Variants in AGAP1 observed in about 807,000 individuals in gnomAD.
The protein encoded by AGAP1 is ArfGAP with GTPase domain, ankyrin repeat and PH domain 1, also known as arf-GAP with GTPase, ANK repeat and PH domain-containing protein 1.
Under a neutral mutation model 105.3 loss-of-function variants are expected in AGAP1, and 29 were observed. The ratio of observed to expected loss-of-function variants is 0.28; its 90% CI spans 0.21 to 0.38. The LOEUF is 0.38. Among genes scored for constraint, AGAP1 ranks in the 10% least tolerant of loss-of-function variants. The pLI is 1.00. For synonymous variants in AGAP1, 509 were observed against 485.9 expected (o/e 1.05, Z -0.63); for missense variants, 998 against 1,165.1 (o/e 0.86, Z 2.09).
rs2050828596 is a variant in AGAP1, at chr2:235,896,830, A to C, written c.1156-11908A>C. 2.6e-5 allele frequency among the ~76,000 whole-genome samples: 4 copies of C among 152,348 alleles called. No individual in the cohort carries two copies. In the South Asian group the frequency reaches 8.3e-4, roughly 32 times the overall value. On this transcript the variant is annotated intron_variant, in intron 10 of 17. Transcript: ENST00000304032. ...CTTTTGTTGGAAATGGAGCCTACTA[A>C]AAACTCACTGGTGTTACACCAACAC...
chr2:235,671,234 C>A (rs952168535), intron 1 of AGAP1, among the ~76,000 whole-genome samples: 2 of 152,218 alleles, frequency 1.3e-5, no homozygotes, highest in Non-Finnish European at 2.9e-5. Flanking sequence ...GGTTTTCTGG[C>A]TGCCCCTGCG....
chr2:235,514,867 A>AGG (rs1942314949), intron 1 of AGAP1, among the ~76,000 whole-genome samples: 1 of 152,204 alleles, frequency 6.6e-6, no homozygotes, highest in Non-Finnish European at 1.5e-5. Flanking sequence ...CAGTCTGTGT[A>AGG]GCAACAAGGA....
chr2:235,728,165 A>G lies in AGAP1; in HGVS notation c.310+10521A>G, dbSNP rs1311268143. On this transcript the variant is annotated intron_variant, in intron 3 of 17. Coordinates refer to ENST00000304032, the MANE Select transcript of AGAP1 (RefSeq NM_001037131.3). The surrounding 1 kb of genome is among the most constrained non-coding windows in gnomAD (Gnocchi z 4.3). ...AAGTAGAAGTTGAAAGAAACTCCCA[A>G]CGGCAAATTAGGTCGAGTGCCAGAA... Among the ~76,000 whole-genome samples the G allele has an allele frequency of 1.3e-5, 2 of 152,130 alleles. No homozygotes were observed. Among genetic ancestry groups the G allele is most frequent in the Non-Finnish European group, 2.9e-5 (2 of 68,020 alleles).
rs1251454556 is a variant in AGAP1, at chr2:235,556,414, A to G, written c.163+61565A>G. ...CCCAAGGCCCAGGCCAGTCTCGTCC[A>G]GGCTGCCCACACCTAGGTCTTCAGG... On this transcript the variant is annotated intron_variant, in intron 1 of 17. Coordinates refer to ENST00000304032, the MANE Select transcript of AGAP1 (RefSeq NM_001037131.3). This position sits in a 1 kb window ranked among gnomAD's most constrained non-coding sequence, Gnocchi z 5.3. Among the ~76,000 whole-genome samples the G allele has an allele frequency of 6.6e-6, 1 of 152,246 alleles. No individual in the cohort carries two copies. The highest frequency in any genetic ancestry group is 1.5e-5 in the Non-Finnish European group (1 of 68,044).
In AGAP1 at chr2:235,830,525, C is replaced by T. The variant is rs1384303215; in HGVS notation, c.1050+23194C>T. ...ATAGAGGGTGCCCTCTCATCAGGTC[C>T]GTGTGCACCAGGAAGTTTACAGTTC... On this transcript the variant is annotated intron_variant, in intron 9 of 17. Coordinates refer to ENST00000304032, the MANE Select transcript of AGAP1 (RefSeq NM_001037131.3). This position sits in a 1 kb window ranked among gnomAD's most constrained non-coding sequence, Gnocchi z 5.5. Among the ~76,000 whole-genome samples the T allele has an allele frequency of 2.0e-5, 3 of 151,664 alleles. No individual in the cohort carries two copies. The highest frequency in any genetic ancestry group is 4.9e-5 in the African/African-American group (2 of 41,226).
chr2:235,835,434 A>G (rs1286874642), intron 9 of AGAP1, among the ~76,000 whole-genome samples: 6 of 151,988 alleles, frequency 3.9e-5, no homozygotes, highest in Non-Finnish European at 8.8e-5. Context: ...TCCTTCATCT[A>G]CGTCTGTGTT....
At position 235,744,805 on chromosome 2, in the gene AGAP1, G is replaced by A. The variant is rs144494543; in HGVS notation, c.504G>A (p.Thr168=). The part of the protein sequence containing the change: ...YYSRMANYRN[T]SEIPLVLVGT... Reference sequence around the variant, plus strand: ...GTCGAATGGCCAACTATCGGAACACGAGCGAGATTCCTCTGGTTCTGGTGG... The same window carrying A: ...GTCGAATGGCCAACTATCGGAACACAAGCGAGATTCCTCTGGTTCTGGTGG... Residue 168 remains threonine, a synonymous_variant, in exon 5 of 18, where the codon ACG becomes ACA. Transcript: ENST00000304032. The surrounding 1 kb of genome is among the most constrained non-coding windows in gnomAD (Gnocchi z 5.2). 1,206 of 1,614,012 alleles carry A rather than the reference G, an allele frequency of 7.5e-4. 8 individuals are homozygous for A. The African/African-American group carries it at 0.011, about 14-fold the overall frequency.
intron 12 of AGAP1, among the ~76,000 whole-genome samples, chr2:235,938,210 T>G (rs1466957184): frequency 2.0e-5 from 3 of 152,180 alleles, no homozygotes; most frequent in Admixed American, 6.5e-5. Context: ...GAGCCTTCCC[T>G]GCTTCAGATG....
rs556115042 is a variant in AGAP1 at position 235,750,716 on chromosome 2, G to T, written c.673+228G>T. Among the ~76,000 whole-genome samples, 1 of 152,334 alleles carries T rather than the reference G, an allele frequency of 6.6e-6. No homozygotes were observed. The highest frequency in any genetic ancestry group is 2.1e-4 in the South Asian group (1 of 4,822). On this transcript the variant is annotated intron_variant, in intron 6 of 17. Transcript: ENST00000304032. This position sits in a 1 kb window ranked among gnomAD's most constrained non-coding sequence, Gnocchi z 5.3. ...AGGCATGGCTTGAGAACAGCCTGGT[G>T]TTGGGTCTGTGTGTCTCCTATGGGG...
At chr2:235,537,253 T>A (rs1302071230) in intron 1 of AGAP1, among the ~76,000 whole-genome samples, 1 of 152,162 alleles carries the variant, frequency 6.6e-6, no homozygotes, top group Non-Finnish European at 1.5e-5. Context: ...CAGGGGCACC[T>A]CGGGAGCCTG....
rs114917352 is a variant in AGAP1, at chr2:235,908,384, C to A, written c.1156-354C>A. Among the ~76,000 whole-genome samples, 964 of 152,242 alleles carry A rather than the reference C, an allele frequency of 6.3e-3. 7 individuals carry two copies. Among genetic ancestry groups the A allele is most frequent in the African/African-American group, 0.022 (908 of 41,550 alleles). On this transcript the variant is annotated intron_variant, in intron 10 of 17. Transcript: ENST00000304032. This position sits in a 1 kb window ranked among gnomAD's most constrained non-coding sequence, Gnocchi z 4.4. ...TGGTTTCCTACTCCATGGAATTTTA[C>A]TTGGAATTTATAGGAGGAGCCTAAT...
rs1046493336 is a variant in AGAP1 at position 235,905,335 on chromosome 2, G to A, written c.1156-3403G>A. Among the ~76,000 whole-genome samples the A allele has an allele frequency of 6.6e-6, 1 of 152,168 alleles. No individual in the cohort carries two copies. The highest frequency in any genetic ancestry group is 1.5e-5 in the Non-Finnish European group (1 of 68,034). ...TTGATATTTTTAAAGGAGTAACTGT[G>A]CAAGAAGGAATTCATTATTTACAAG... On this transcript the variant is annotated intron_variant, in intron 10 of 17. Coordinates refer to ENST00000304032, the MANE Select transcript of AGAP1 (RefSeq NM_001037131.3). The surrounding 1 kb of genome is among the most constrained non-coding windows in gnomAD (Gnocchi z 4.2).
At chr2:235,648,802 A>G (rs370236220) in intron 1 of AGAP1, among the ~76,000 whole-genome samples, 2 of 151,124 alleles carry the variant, frequency 1.3e-5, no homozygotes, top group South Asian at 2.1e-4. Flanking sequence ...CAGTAGAATC[A>G]CTTGAACCTG....
chr2:236,103,249 C>T (rs1329496050), intron 16 of AGAP1, among the ~76,000 whole-genome samples: 2 of 152,302 alleles, frequency 1.3e-5, no homozygotes, highest in African/African-American at 2.4e-5. Context: ...AATCTCTACA[C>T]CGAGGTCACT....
chr2:235,643,591 G>C (rs765629047), intron 1 of AGAP1, among the ~76,000 whole-genome samples: 1 of 151,960 alleles, frequency 6.6e-6, no homozygotes, highest in Non-Finnish European at 1.5e-5. Context: ...TTGACAGAAA[G>C]GGATAGATCT....
rs1690978479 is a variant in AGAP1 at position 235,736,192 on chromosome 2, G to C, written c.311-4771G>C. Among the ~76,000 whole-genome samples, 1 of 151,982 alleles carries C rather than the reference G, an allele frequency of 6.6e-6. No individual in the cohort carries two copies. The highest frequency in any genetic ancestry group is 2.0e-4 in the East Asian group (1 of 5,110). On this transcript the variant is annotated intron_variant, in intron 3 of 17. Coordinates refer to ENST00000304032, the MANE Select transcript of AGAP1 (RefSeq NM_001037131.3). The surrounding 1 kb of genome is among the most constrained non-coding windows in gnomAD (Gnocchi z 5.5). Reference sequence around the variant, plus strand: ...CCGATCTGTCTGGTTCCTCACCCTGGGGGTGCCCGCCGTTGGGAGGTGCTG... The same window carrying C: ...CCGATCTGTCTGGTTCCTCACCCTGCGGGTGCCCGCCGTTGGGAGGTGCTG...
chr2:235,709,333 C>A, intron 2 of AGAP1, 96 bp downstream of exon 2: 1 of 1,377,018 alleles, frequency 7.3e-7, no homozygotes, highest in Non-Finnish European at 1.0e-6. Flanking sequence ...TCGCCTGGGG[C>A]CCAGAGTGGA....
At chr2:235,932,351 C>T (rs1195511263) in intron 12 of AGAP1, among the ~76,000 whole-genome samples, 1 of 152,216 alleles carries the variant, frequency 6.6e-6, no homozygotes, top group Non-Finnish European at 1.5e-5. Context: ...ACAGTAGGCT[C>T]TTCGTGACTG....
chr2:236,028,990 A>T (rs1461707962), intron 13 of AGAP1, among the ~76,000 whole-genome samples: 1 of 151,764 alleles, frequency 6.6e-6, no homozygotes, highest in Admixed American at 6.6e-5. Context: ...TTTCTTGCAG[A>T]GGTTTACCAC....
Sources: allele counts gnomAD v4.1 joint callset (sites outside exome capture counted in the v4.1 genomes callset), GRCh38; gene constraint gnomAD v4.1.1; non-coding constraint Gnocchi (gnomAD v3.1); transcripts MANE v1.5; gene names NCBI Gene and HGNC (gene_info 2026-07-23, HGNC 2026-07-21).